TMPRSS6: variants seen among roughly 807,000 people sequenced by gnomAD.
TMPRSS6 encodes the protein transmembrane protease serine 6.
A neutral mutation model predicts 101.5 loss-of-function variants in TMPRSS6; 67 were observed. The observed-to-expected ratio is 0.66, with a 90% CI of 0.54 to 0.81. The LOEUF (loss-of-function observed/expected upper bound fraction) is 0.81, where lower values mean the gene tolerates loss of function less well. Ranked by LOEUF, TMPRSS6 falls within the 30% of genes least tolerant of loss-of-function variation. The probability of loss-of-function intolerance (pLI) is 0.00; values close to 1 mark genes in which losing one functional copy is unlikely to be tolerated. For missense variants in TMPRSS6, 1,034 were observed against 1,088.7 expected (o/e 0.95, Z 0.71); for synonymous variants, 453 against 464.9 (o/e 0.97, Z 0.33).
At chr22:37,068,478 C>T (rs922982496) in intron 16 of TMPRSS6, 5 of 655,848 alleles carry the variant, frequency 7.6e-6, no homozygotes, top group East Asian at 2.6e-5. Context: ...GCGGTGGCCG[C>T]CAGGGACTCT....
chr22:37,093,233 C>T (rs943831849), intron 6 of TMPRSS6, among the ~76,000 whole-genome samples: 5 of 152,046 alleles, frequency 3.3e-5, no homozygotes, highest in South Asian at 2.1e-4. Context: ...ATTCATGAAA[C>T]GAACACCCAC....
chr22:37,084,981 A>G, intron 8 of TMPRSS6, 142 bp from the exon 9 acceptor site: 1 of 695,512 alleles, frequency 1.4e-6, no homozygotes, highest in Non-Finnish European at 2.6e-6. Context: ...TCTGGGTCTC[A>G]GTTTCCTCAT....
rs139616588 is a variant in TMPRSS6, at chr22:37,074,811, G to C, written c.1343-103C>G. On this transcript the variant is annotated intron_variant, in intron 11 of 17. Transcript: ENST00000676104. ...CGCATGCACCTGTTCACTCACACGC[G>C]CATGGACAGGCACCCACAGACGTGG... is the stretch of plus-strand genomic sequence containing the variant. 1.2e-4 allele frequency: 147 copies of C among 1,188,774 alleles called. 1 individual carries two copies. Among genetic ancestry groups the C allele is most frequent in the Non-Finnish European group, 1.6e-4 (134 of 816,292 alleles). 73.6% of individuals were successfully genotyped at this position (1,188,774 alleles called of 1,614,324 possible).
intron 10 of TMPRSS6, chr22:37,083,815 T>A (rs1055852291): frequency 3.6e-6 from 1 of 276,016 alleles, no homozygotes; most frequent in Non-Finnish European, 6.8e-6. Flanking sequence ...AGGGCACCCA[T>A]GATTTCCATG....
In TMPRSS6 at chr22:37,068,964, A is replaced by G. The variant is rs993487074; in HGVS notation, c.2113+109T>C. 8.1e-6 allele frequency: 12 copies of G among 1,481,504 alleles called. No homozygotes were observed. The Admixed American group carries it at 2.5e-4, about 30-fold the overall frequency. The allele number at this position is 1,481,504 out of a possible 1,614,324, so 91.8% of individuals were successfully genotyped here. On this transcript the variant is annotated intron_variant, in intron 16 of 17. Transcript: ENST00000676104. ...TTTGAATCCCAGCACTAGAGGGCCTATGGGGTGGAGCCCCGGGACCCCCAG... is the reference window on the plus strand; with the variant it reads ...TTTGAATCCCAGCACTAGAGGGCCTGTGGGGTGGAGCCCCGGGACCCCCAG...
chr22:37,078,991 A>AAGAAAGAAAGAAAG (rs1569006216), intron 10 of TMPRSS6, among the ~76,000 whole-genome samples: 16 of 149,274 alleles, frequency 1.1e-4, no homozygotes, highest in African/African-American at 3.6e-4. Context: ...GAAAGAAAGA[A>AAGAAAGAAAGAAAG]AGAAAGAAAG....
chr22:37,080,114 G>A (rs1183799616), intron 10 of TMPRSS6: 1 of 152,300 alleles, frequency 6.6e-6, no homozygotes, highest in Admixed American at 6.5e-5. Flanking sequence ...GTGCTTCGGT[G>A]GCAGCCCGTG....
intron 13 of TMPRSS6, among the ~76,000 whole-genome samples, chr22:37,072,869 G>GGAT (rs1288852343): frequency 1.4e-5 from 2 of 143,040 alleles, no homozygotes; most frequent in Non-Finnish European, 1.6e-5. Context: ...ATGGATGGAT[G>GGAT]ATGCATGGAT....
At chr22:37,072,416 G>GA (rs1927097721) in intron 13 of TMPRSS6, among the ~76,000 whole-genome samples, 1 of 145,726 alleles carries the variant, frequency 6.9e-6, no homozygotes, top group African/African-American at 2.6e-5. Context: ...ATGGATGGAT[G>GA]ATGGATTGAT....
chr22:37,070,391 C>A (rs1438022292), intron 15 of TMPRSS6, 93 bp downstream of exon 15: 4 of 1,534,116 alleles, frequency 2.6e-6, no homozygotes, highest in Non-Finnish European at 3.6e-6. Context: ...ACCCTTCCCT[C>A]TATCTGCAAA....
At position 37,065,992 on chromosome 22, in the gene TMPRSS6, C is replaced by G. The variant is rs1037393956; in HGVS notation, c.*88G>C. 1.0e-5 allele frequency: 16 copies of G among 1,577,310 alleles called. No homozygotes were observed. The Admixed American group carries it at 1.5e-4, about 15-fold the overall frequency. ...CAGGGCCTGCTCTCTCCCCCACCCC[C>G]CGCCAGAATACTTGTCCCCCTGCTT... On this transcript the variant is annotated 3_prime_UTR_variant, in exon 18 of 18. Transcript: ENST00000676104.
chr22:37,107,523 C>A (rs1258976092), intron 1 of TMPRSS6, among the ~76,000 whole-genome samples: 1 of 151,392 alleles, frequency 6.6e-6, no homozygotes, highest in Non-Finnish European at 1.5e-5. Context: ...TCCAGGCCAC[C>A]GTCATCTGTC....
chr22:37,104,438 A>C (rs1234514614), intron 1 of TMPRSS6, among the ~76,000 whole-genome samples: 2 of 152,198 alleles, frequency 1.3e-5, no homozygotes, highest in Non-Finnish European at 2.9e-5. Context: ...GCTGTTAATT[A>C]ACAAATCATG....
At chr22:37,077,721 A>G (rs894081766) in intron 10 of TMPRSS6, among the ~76,000 whole-genome samples, 1 of 152,248 alleles carries the variant, frequency 6.6e-6, no homozygotes, top group African/African-American at 2.4e-5. Context: ...ACTAATTTTC[A>G]TAGAATGTTA....
At chr22:37,071,201 G>GT (rs1163583227) in intron 13 of TMPRSS6, among the ~76,000 whole-genome samples, 169 bp from the exon 14 acceptor site, 2 of 146,664 alleles carry the variant, frequency 1.4e-5, no homozygotes, top group African/African-American at 5.1e-5. Context: ...ATGTCCCCCC[G>GT]CCCCCCACAG....
intron 10 of TMPRSS6, chr22:37,082,958 G>C: frequency 2.1e-6 from 1 of 470,438 alleles, no homozygotes; most frequent in South Asian, 1.6e-5. Context: ...TTTTGAATAG[G>C]ATCAGCCAAC....
At chr22:37,067,734 C>A (rs879827890) in intron 16 of TMPRSS6, among the ~76,000 whole-genome samples, 1 of 152,104 alleles carries the variant, frequency 6.6e-6, no homozygotes, top group Non-Finnish European at 1.5e-5. Flanking sequence ...AGCCTTGATA[C>A]GCAGTTTTTC....
Position 37,066,190 on chromosome 22 carries a change from A to G in TMPRSS6, c.2299T>C (p.Phe767Leu). Reference sequence around the variant, plus strand: ...CCCCAGCTGACCAGCCCCGCCAGGAACCAGCGGCCACTGAGTGCCTTGCAC... The same window carrying G: ...CCCCAGCTGACCAGCCCCGCCAGGAGCCAGCGGCCACTGAGTGCCTTGCAC... ...LVCKALSGRW[F>L]LAGLVSWGLG... Residue 767 changes from phenylalanine to leucine, a missense_variant, in exon 18 of 18, where the codon TTC (phenylalanine) becomes CTC (leucine). Phe to Leu is a conservative substitution (Grantham distance 22). Transcript: ENST00000676104. The G allele has an allele frequency of 1.2e-6, 2 of 1,613,116 alleles. No individual in the cohort carries two copies. Among genetic ancestry groups the G allele is most frequent in the Middle Eastern group, 3.3e-4 (2 of 6,058 alleles).
At chr22:37,077,194 C>T (rs1211505437) in intron 10 of TMPRSS6, among the ~76,000 whole-genome samples, 1 of 152,008 alleles carries the variant, frequency 6.6e-6, no homozygotes, top group Non-Finnish European at 1.5e-5. Context: ...GAATTGCTCT[C>T]ATCCCATTTT....
Sources: gnomAD v4.1 joint callset for allele counts (sites outside exome capture counted in the v4.1 genomes callset) on GRCh38, gnomAD v4.1.1 for gene constraint, MANE v1.5 for transcripts, NCBI Gene and HGNC (gene_info 2026-07-23, HGNC 2026-07-21) for gene names.